Variants in CPNE4 observed in about 807,000 individuals in gnomAD.
The protein encoded by CPNE4 is copine-4.
CPNE4 carries 25 observed loss-of-function variants against 67.9 expected under a neutral mutation model. That is an observed-to-expected ratio of 0.37 (90% CI 0.27 to 0.51). The LOEUF (loss-of-function observed/expected upper bound fraction) is 0.51. Ranked by LOEUF, CPNE4 falls within the 20% of genes least tolerant of loss-of-function variation. CPNE4 has a pLI of 0.93. For synonymous variants in CPNE4, 242 were observed against 244.9 expected, an observed-to-expected ratio of 0.99 and a Z score of 0.11; for missense variants, 464 against 690.8, an observed-to-expected ratio of 0.67 and a Z score of 3.68.
chr3:131,708,487 T>TG (rs2081469542), intron 3 of CPNE4, among the ~76,000 whole-genome samples: 1 of 152,058 alleles, frequency 6.6e-6, no homozygotes. Context: ...GGGCAGGAGC[T>TG]GATGGAGGAA....
At chr3:131,878,307 C>A (rs531559274) in intron 2 of CPNE4, among the ~76,000 whole-genome samples, 11 of 152,280 alleles carry the variant, frequency 7.2e-5, no homozygotes, top group African/African-American at 2.6e-4. Context: ...GAACGAATGA[C>A]TACATGCAAT....
intron 1 of CPNE4, among the ~76,000 whole-genome samples, chr3:131,917,018 A>G (rs1016824403): frequency 1.3e-5 from 2 of 152,176 alleles, no homozygotes; most frequent in Admixed American, 1.3e-4. Context: ...ATCATCTGCC[A>G]GTGCCTGTTG....
upstream of CPNE4, among the ~76,000 whole-genome samples, chr3:132,036,439 A>G (rs1001359536): frequency 7.2e-5 from 11 of 152,226 alleles, no homozygotes; most frequent in Admixed American, 5.2e-4. Context: ...ACACAGGGAC[A>G]ATTCTCCAAG....
intron 2 of CPNE4, among the ~76,000 whole-genome samples, chr3:131,802,984 T>A (rs1442936753): frequency 6.6e-6 from 1 of 152,184 alleles, no homozygotes; most frequent in East Asian, 1.9e-4. Context: ...CTGTATGGAC[T>A]CAGGACTGGA....
rs1280612395 is a variant in CPNE4 at position 131,554,371 on chromosome 3, A to G, written c.1116+1126T>C. Among the ~76,000 whole-genome samples, 4 of 152,122 alleles carry G rather than the reference A, an allele frequency of 2.6e-5. No individual in the cohort carries two copies. The South Asian group carries it at 8.3e-4, about 31-fold the overall frequency. On this transcript the variant is annotated intron_variant, in intron 12 of 15. Transcript: ENST00000429747. ...TATGCAATTGCTGAATTCGTTTTTT[A>G]AAAGTGTGTCAAATATAACATATTT...
chr3:131,557,595 TCTC>T (rs1428107949), intron 11 of CPNE4, among the ~76,000 whole-genome samples: 6 of 152,028 alleles, frequency 3.9e-5, no homozygotes, highest in Non-Finnish European at 8.8e-5. Flanking sequence ...AACTCCCACT[TCTC>T]CTCACTGTTG....
chr3:131,685,785 C>T, intron 6 of CPNE4, 90 bp downstream of exon 6: 2 of 845,130 alleles, frequency 2.4e-6, no homozygotes, highest in Non-Finnish European at 3.8e-6. Flanking sequence ...CACCTCAACA[C>T]ACACACACAC....
chr3:131,875,502 TA>T, intron 2 of CPNE4, among the ~76,000 whole-genome samples: 1 of 152,128 alleles, frequency 6.6e-6, no homozygotes. Context: ...TATGCAGCCA[TA>T]AAAAATGATG....
At chr3:131,750,634 T>C (rs987829145) in intron 2 of CPNE4, among the ~76,000 whole-genome samples, 1 of 152,154 alleles carries the variant, frequency 6.6e-6, no homozygotes, top group African/African-American at 2.4e-5. Flanking sequence ...CTACATAAAC[T>C]GAAGAACCAC....
intron 2 of CPNE4, among the ~76,000 whole-genome samples, chr3:131,785,132 A>G (rs1217284190): frequency 1.3e-5 from 2 of 152,144 alleles, no homozygotes; most frequent in African/African-American, 4.8e-5. Flanking sequence ...GTACTGTCCC[A>G]TAGACATGGC....
chr3:131,581,705 A>C (rs899646271), intron 8 of CPNE4, 40 bp from the exon 9 acceptor site: 22 of 1,465,490 alleles, frequency 1.5e-5, no homozygotes, highest in Non-Finnish European at 2.1e-5. Flanking sequence ...GTTCAGGAAA[A>C]AGCTGAGTCT....
chr3:131,929,438 T>C (rs896725145), intron 1 of CPNE4, among the ~76,000 whole-genome samples: 2 of 152,208 alleles, frequency 1.3e-5, no homozygotes, highest in Admixed American at 1.3e-4. Context: ...GGGGACCCCC[T>C]CCAGTTTGAG....
chr3:131,726,178 TCTC>T (rs1449174202), intron 2 of CPNE4, among the ~76,000 whole-genome samples: 1 of 152,318 alleles, frequency 6.6e-6, no homozygotes, highest in Non-Finnish European at 1.5e-5. Context: ...TCTTTGTTAT[TCTC>T]CTTTAACTGC....
rs759007157 is a variant in CPNE4, at chr3:131,868,729, A to G, written c.180+36535T>C. Among the ~76,000 whole-genome samples, 4 of 152,204 alleles carry G rather than the reference A, an allele frequency of 2.6e-5. No individual in the cohort carries two copies. The South Asian group carries it at 6.2e-4, about 24-fold the overall frequency. ...CAACACACTTCCTACTTCTCTCTAA[A>G]TAGATAATAGTAACCATTGGCAGGT... On this transcript the variant is annotated intron_variant, in intron 2 of 15. Coordinates refer to ENST00000429747, the MANE Select transcript of CPNE4 (RefSeq NM_130808.3).
At chr3:132,009,113 G>T (rs2073682587) in intron 1 of CPNE4, among the ~76,000 whole-genome samples, 1 of 152,222 alleles carries the variant, frequency 6.6e-6, no homozygotes, top group Non-Finnish European at 1.5e-5. Flanking sequence ...GACTTCAGCA[G>T]AATGCCTGTC....
chr3:131,644,863 G>A (rs1233190189), intron 7 of CPNE4, among the ~76,000 whole-genome samples: 2 of 152,212 alleles, frequency 1.3e-5, no homozygotes, highest in South Asian at 4.1e-4. Flanking sequence ...CTTTCCAGTA[G>A]TGGTCAGAAG....
chr3:131,547,218 G>A (rs903985849), intron 14 of CPNE4, among the ~76,000 whole-genome samples: 1 of 151,996 alleles, frequency 6.6e-6, no homozygotes, highest in Non-Finnish European at 1.5e-5. Context: ...ACGTTGGGAG[G>A]CTAAAGAAGG....
At chr3:131,931,043 T>C (rs1394719207) in intron 1 of CPNE4, among the ~76,000 whole-genome samples, 1 of 152,076 alleles carries the variant, frequency 6.6e-6, no homozygotes, top group African/African-American at 2.4e-5. Flanking sequence ...GGTCAATACT[T>C]CATACAGGAA....
chr3:131,795,985 T>A (rs182132486), intron 2 of CPNE4, among the ~76,000 whole-genome samples: 75 of 152,318 alleles, frequency 4.9e-4, no homozygotes, highest in African/African-American at 1.7e-3. Context: ...ATAAAGCTCT[T>A]GTTTCCACAT....
Sources: allele counts gnomAD v4.1 joint callset (sites outside exome capture counted in the v4.1 genomes callset), GRCh38; gene constraint gnomAD v4.1.1; transcripts MANE v1.5; gene names NCBI Gene and HGNC (gene_info 2026-07-23, HGNC 2026-07-21).